Variants in PDZRN3 observed in about 807,000 individuals in gnomAD.
PDZRN3 encodes PDZ domain containing ring finger 3, also known as E3 ubiquitin-protein ligase PDZRN3.
Under a neutral mutation model 85.7 loss-of-function variants are expected in PDZRN3, and 38 were observed. That is an observed-to-expected ratio of 0.44 (90% CI 0.34 to 0.58). PDZRN3 has a LOEUF of 0.58. Ranked by LOEUF, PDZRN3 falls within the 20% of genes least tolerant of loss-of-function variation. The pLI is 0.01. For synonymous variants in PDZRN3, 759 were observed against 638.0 expected (o/e 1.19, Z -2.86); for missense variants, 1,629 against 1,506.4 (o/e 1.08, Z -1.35).
At chr3:73,548,853 CA>C (rs1331825106) in intron 3 of PDZRN3, among the ~76,000 whole-genome samples, 1 of 151,988 alleles carries the variant, frequency 6.6e-6, no homozygotes, top group East Asian at 1.9e-4. Flanking sequence ...CTGGTGAAGA[CA>C]TAAGGAAAAA....
chr3:73,542,028 C>T (rs1275120865), intron 3 of PDZRN3, among the ~76,000 whole-genome samples: 5 of 152,016 alleles, frequency 3.3e-5, no homozygotes, highest in Admixed American at 6.6e-5. Flanking sequence ...CCATTAGAAC[C>T]TAAAATTATG....
chr3:73,418,719 T>C (rs1057057629), intron 3 of PDZRN3, among the ~76,000 whole-genome samples: 13 of 152,204 alleles, frequency 8.5e-5, no homozygotes, highest in Non-Finnish European at 1.5e-4. Flanking sequence ...CTTCATTTTC[T>C]TGTTCTCAGG....
At chr3:73,569,854 A>G (rs1702019318) in intron 3 of PDZRN3, among the ~76,000 whole-genome samples, 1 of 152,070 alleles carries the variant, frequency 6.6e-6, no homozygotes. Flanking sequence ...CATCTCTTAA[A>G]CACTGTGCCT....
intron 3 of PDZRN3, among the ~76,000 whole-genome samples, chr3:73,502,723 G>A (rs1704004098): frequency 1.3e-5 from 2 of 152,158 alleles, no homozygotes; most frequent in Non-Finnish European, 2.9e-5. Context: ...GATGTTAAAT[G>A]GTCAGATGGA....
chr3:73,561,615 T>C (rs149399185), intron 3 of PDZRN3: 5 of 152,322 alleles, frequency 3.3e-5, no homozygotes, highest in Admixed American at 2.0e-4. Flanking sequence ...AAGGCTATTA[T>C]ATAAGAAAGG....
At chr3:73,467,712 GGCT>G (rs1209758016) in intron 3 of PDZRN3, among the ~76,000 whole-genome samples, 2 of 152,040 alleles carry the variant, frequency 1.3e-5, no homozygotes, top group Non-Finnish European at 2.9e-5. Context: ...TCTAATAATG[GGCT>G]GCTTTCATTC....
chr3:73,537,628 T>A (rs775655928), intron 3 of PDZRN3, among the ~76,000 whole-genome samples: 36 of 152,078 alleles, frequency 2.4e-4, no homozygotes, highest in Non-Finnish European at 4.6e-4. Flanking sequence ...TAAATTAATT[T>A]ATTTATTTCG....
Position 73,508,009 on chromosome 3 carries a change from G to A in PDZRN3, c.918+94345C>T, listed in dbSNP as rs555233025. ...TTGGGAGGCTGAGGCACATGAGAATGGCTTGAACTCAGGAGGTGAAGGTTG... is the reference window on the plus strand; with the variant it reads ...TTGGGAGGCTGAGGCACATGAGAATAGCTTGAACTCAGGAGGTGAAGGTTG... On this transcript the variant is annotated intron_variant, in intron 3 of 9. Coordinates refer to ENST00000263666, the MANE Select transcript of PDZRN3 (RefSeq NM_015009.3). Among the ~76,000 whole-genome samples, 3 of 152,168 alleles carry A rather than the reference G, an allele frequency of 2.0e-5. No individual in the cohort carries two copies. The South Asian group carries it at 6.2e-4, about 32-fold the overall frequency.
chr3:73,529,272 TG>T (rs1316121224), intron 3 of PDZRN3, among the ~76,000 whole-genome samples: 1 of 152,222 alleles, frequency 6.6e-6, no homozygotes, highest in African/African-American at 2.4e-5. Context: ...AAAGAGACCG[TG>T]CAAGTGTTTG....
At chr3:73,385,930 C>A in intron 8 of PDZRN3, 145 bp from the exon 9 acceptor site, 2 of 612,936 alleles carry the variant, frequency 3.3e-6, no homozygotes, top group East Asian at 5.6e-5. Context: ...CAATGATTTG[C>A]TGTTAAGTCA....
At chr3:73,481,758 G>C (rs1703565642) in intron 3 of PDZRN3, among the ~76,000 whole-genome samples, 1 of 152,070 alleles carries the variant, frequency 6.6e-6, no homozygotes, top group African/African-American at 2.4e-5. Context: ...TTTATAAATA[G>C]GTTGTTCATA....
intron 3 of PDZRN3, among the ~76,000 whole-genome samples, chr3:73,408,886 C>T (rs970190782): frequency 6.6e-6 from 1 of 152,072 alleles, no homozygotes; most frequent in Admixed American, 6.5e-5. Flanking sequence ...ATTAGCATTG[C>T]ATCTACATTA....
At chr3:73,438,142 G>C (rs1702565516) in intron 3 of PDZRN3, among the ~76,000 whole-genome samples, 1 of 152,084 alleles carries the variant, frequency 6.6e-6, no homozygotes, top group Non-Finnish European at 1.5e-5. Context: ...GCCTCTTCCT[G>C]CCTTCATGGA....
chr3:73,384,984 A>T, intron 9 of PDZRN3, 54 bp from the exon 10 acceptor site: 1 of 1,535,596 alleles, frequency 6.5e-7, no homozygotes, highest in South Asian at 1.3e-5. Flanking sequence ...CGCAGCAGGT[A>T]CTCAGGTTTG....
At chr3:73,582,377 T>C in intron 3 of PDZRN3, among the ~76,000 whole-genome samples, 1 of 152,258 alleles carries the variant, frequency 6.6e-6, no homozygotes, top group Non-Finnish European at 1.5e-5. Flanking sequence ...TACATTATAG[T>C]ACAAAAATCT....
chr3:73,468,282 A>T (rs1301006650), intron 3 of PDZRN3, among the ~76,000 whole-genome samples: 2 of 152,142 alleles, frequency 1.3e-5, no homozygotes, highest in Middle Eastern at 3.2e-3. Context: ...AAAGTCAAGG[A>T]AACAGATTTT....
chr3:73,435,237 A>G (rs909063872), intron 3 of PDZRN3, among the ~76,000 whole-genome samples: 2 of 151,988 alleles, frequency 1.3e-5, no homozygotes, highest in African/African-American at 4.8e-5. Context: ...ACCGAAGACG[A>G]GGCACAGTGA....
chr3:73,408,905 A>C (rs1357197973), intron 3 of PDZRN3, among the ~76,000 whole-genome samples: 1 of 152,060 alleles, frequency 6.6e-6, no homozygotes, highest in African/African-American at 2.4e-5. Context: ...TACACAAAAC[A>C]GTGGTGATGA....
intron 3 of PDZRN3, among the ~76,000 whole-genome samples, chr3:73,521,400 C>T (rs1455454600): frequency 6.6e-6 from 1 of 152,038 alleles, no homozygotes; most frequent in Admixed American, 6.6e-5. Flanking sequence ...GGGCAGATGG[C>T]GCCAGATTAA....
Sources: allele counts gnomAD v4.1 joint callset (sites outside exome capture counted in the v4.1 genomes callset), GRCh38; gene constraint gnomAD v4.1.1; transcripts MANE v1.5; gene names NCBI Gene and HGNC (gene_info 2026-07-23, HGNC 2026-07-21).